REC114: variants seen among roughly 807,000 people sequenced by gnomAD.
REC114 encodes the protein meiotic recombination protein REC114.
In REC114, 27 loss-of-function variants were observed where a neutral mutation model predicts 31.3. That is an observed-to-expected ratio of 0.86 (90% CI 0.64 to 1.19). The LOEUF is 1.19. Among genes scored for constraint, REC114 ranks in the 50% most tolerant of loss-of-function variants. The probability of loss-of-function intolerance (pLI) is 0.00; values close to 1 mark genes in which losing one functional copy is unlikely to be tolerated. For missense variants in REC114, 344 were observed against 326.9 expected, an observed-to-expected ratio of 1.05 and a Z score of -0.40; for synonymous variants, 134 against 127.7, an observed-to-expected ratio of 1.05 and a Z score of -0.33.
intron 2 of REC114, among the ~76,000 whole-genome samples, chr15:73,532,262 A>G (rs1440912065): frequency 1.3e-5 from 2 of 148,942 alleles, no homozygotes; most frequent in Non-Finnish European, 3.0e-5. Context: ...GCGATAGTTT[A>G]CTGAGAATGA....
At chr15:73,452,080 A>G (rs949812966) in intron 1 of REC114, among the ~76,000 whole-genome samples, 12 of 152,216 alleles carry the variant, frequency 7.9e-5, no homozygotes, top group African/African-American at 2.7e-4. Context: ...GTACAAGACA[A>G]GGATGCCCTC....
intron 1 of REC114, among the ~76,000 whole-genome samples, chr15:73,458,442 G>C (rs753716789): frequency 6.6e-6 from 1 of 152,166 alleles, no homozygotes; most frequent in Non-Finnish European, 1.5e-5. Flanking sequence ...GTATCATCAA[G>C]AGTTATTATC....
chr15:73,505,633 G>A (rs1471471054), intron 2 of REC114, among the ~76,000 whole-genome samples: 1 of 152,046 alleles, frequency 6.6e-6, no homozygotes, highest in Non-Finnish European at 1.5e-5. Flanking sequence ...CTGGGTTCAC[G>A]CCATTCTCCT....
intron 1 of REC114, among the ~76,000 whole-genome samples, chr15:73,445,011 C>T (rs1398955972): frequency 6.6e-6 from 1 of 152,130 alleles, no homozygotes; most frequent in East Asian, 1.9e-4. Context: ...GAGTTGGTCT[C>T]AACAGTGGGC....
At chr15:73,445,681 G>A (rs953375442) in intron 1 of REC114, among the ~76,000 whole-genome samples, 1 of 152,148 alleles carries the variant, frequency 6.6e-6, no homozygotes, top group Non-Finnish European at 1.5e-5. Context: ...AGAATAGTGA[G>A]GACTGAGGAG....
At chr15:73,516,511 T>C (rs191519213) in intron 2 of REC114, among the ~76,000 whole-genome samples, 2 of 152,316 alleles carry the variant, frequency 1.3e-5, no homozygotes, top group Admixed American at 6.5e-5. Context: ...GCTCCCAGGC[T>C]GAGTCCTGAG....
At chr15:73,475,365 C>T (rs542323580) in intron 2 of REC114, among the ~76,000 whole-genome samples, 2 of 152,254 alleles carry the variant, frequency 1.3e-5, no homozygotes, top group African/African-American at 2.4e-5. Flanking sequence ...TGTGTCTCAT[C>T]ACAACATATT....
intron 2 of REC114, among the ~76,000 whole-genome samples, chr15:73,514,058 G>T (rs1177822053): frequency 6.6e-6 from 1 of 152,180 alleles, no homozygotes; most frequent in African/African-American, 2.4e-5. Context: ...CTGCTGCCTT[G>T]CAGTTTGATC....
At chr15:73,507,073 A>G (rs1372043044) in intron 2 of REC114, among the ~76,000 whole-genome samples, 6 of 152,170 alleles carry the variant, frequency 3.9e-5, no homozygotes, top group African/African-American at 1.4e-4. Flanking sequence ...ATAAAGTTTT[A>G]AAAAAAGACA....
intron 2 of REC114, among the ~76,000 whole-genome samples, chr15:73,502,756 T>C (rs1421780755): frequency 6.6e-6 from 1 of 152,228 alleles, no homozygotes; most frequent in East Asian, 1.9e-4. Flanking sequence ...TCCATTTAAG[T>C]AAGTTTTAGT....
intron 1 of REC114, among the ~76,000 whole-genome samples, chr15:73,456,646 T>C (rs1219124706): frequency 6.6e-6 from 1 of 152,198 alleles, no homozygotes; most frequent in African/African-American, 2.4e-5. Context: ...ATCATTTGCT[T>C]TGGTGTATTT....
chr15:73,550,296 T>A (rs973391426), intron 3 of REC114, among the ~76,000 whole-genome samples: 1 of 152,250 alleles, frequency 6.6e-6, no homozygotes. Flanking sequence ...TTTTTAAAAT[T>A]TTTTAATTGC....
At chr15:73,514,415 A>T (rs1356812191) in intron 2 of REC114, among the ~76,000 whole-genome samples, 2 of 151,638 alleles carry the variant, frequency 1.3e-5, no homozygotes, top group African/African-American at 4.9e-5. Flanking sequence ...TGCGTCGCTC[A>T]CGCTGGGAGC....
At chr15:73,517,772 G>A (rs758950443) in intron 2 of REC114, among the ~76,000 whole-genome samples, 2 of 152,196 alleles carry the variant, frequency 1.3e-5, no homozygotes, top group Admixed American at 6.5e-5. Context: ...TTGAAGGTCA[G>A]AGAAGGCTGT....
intron 1 of REC114, among the ~76,000 whole-genome samples, chr15:73,456,688 A>G (rs1237477099): frequency 6.6e-6 from 1 of 152,160 alleles, no homozygotes; most frequent in Non-Finnish European, 1.5e-5. Context: ...AAATATTATT[A>G]TACCCATTTT....
intron 2 of REC114, among the ~76,000 whole-genome samples, chr15:73,528,748 C>T (rs1894038097): frequency 6.6e-6 from 1 of 152,172 alleles, no homozygotes; most frequent in African/African-American, 2.4e-5. Context: ...TGCTTTCGTG[C>T]TACAAGGGCA....
chr15:73,488,605 G>T (rs989681324), intron 2 of REC114, among the ~76,000 whole-genome samples: 2 of 152,110 alleles, frequency 1.3e-5, no homozygotes, highest in Non-Finnish European at 2.9e-5. Flanking sequence ...CAAGTTCTTT[G>T]CCATTGTATA....
intron 2 of REC114, among the ~76,000 whole-genome samples, chr15:73,490,256 T>G (rs1350956008): frequency 6.6e-6 from 1 of 152,252 alleles, no homozygotes; most frequent in Non-Finnish European, 1.5e-5. Flanking sequence ...CACAGTGCTC[T>G]TCACATTTTC....
At chr15:73,552,650 A>G (rs1894408581) in intron 4 of REC114, among the ~76,000 whole-genome samples, 1 of 152,230 alleles carries the variant, frequency 6.6e-6, no homozygotes, top group Non-Finnish European at 1.5e-5. Context: ...GGCAGTTTCA[A>G]ATATTATTGG....
Sources: allele counts gnomAD v4.1 joint callset (sites outside exome capture counted in the v4.1 genomes callset), GRCh38; gene constraint gnomAD v4.1.1; transcripts MANE v1.5; gene names NCBI Gene and HGNC (gene_info 2026-07-23, HGNC 2026-07-21).